The following KIF26B variants were observed in gnomAD, a reference collection of about 807,000 sequenced individuals.
KIF26B encodes the protein kinesin family member 26B, also known as kinesin-like protein KIF26B.
Under a neutral mutation model 151.2 loss-of-function variants are expected in KIF26B, and 63 were observed. The observed-to-expected ratio is 0.42, with a 90% confidence interval of 0.34 to 0.51. The LOEUF (loss-of-function observed/expected upper bound fraction) is 0.51. Ranked by LOEUF, KIF26B falls within the 20% of genes least tolerant of loss-of-function variation. The pLI is 0.07. For missense variants in KIF26B, 2,813 were observed against 2,913.6 expected (o/e 0.97, Z 0.79); for synonymous variants, 1,357 against 1,262.1 (o/e 1.08, Z -1.59).
chr1:245,556,556 C>T lies in KIF26B; in HGVS notation c.1350+15606C>T, dbSNP rs377639827. On this transcript the variant is annotated intron_variant, in intron 5 of 14. Coordinates refer to ENST00000407071, the MANE Select transcript of KIF26B (RefSeq NM_018012.4). ...CTGGGACTACCAGCATGCACCACCA[C>T]GCCTGGGTAATTTTTGTATTTTTTT... Among the ~76,000 whole-genome samples the T allele has an allele frequency of 5.9e-5, 9 of 152,144 alleles. No homozygotes were observed. In the East Asian group the frequency reaches 9.6e-4, roughly 16 times the overall value.
At chr1:245,305,148 ATTG>A (rs1431818323) in intron 2 of KIF26B, among the ~76,000 whole-genome samples, 1 of 152,226 alleles carries the variant, frequency 6.6e-6, no homozygotes, top group Non-Finnish European at 1.5e-5. Context: ...ATATAACAAA[ATTG>A]TTGTCATGTG....
intron 12 of KIF26B, among the ~76,000 whole-genome samples, chr1:245,690,637 G>A (rs559660004): frequency 2.0e-5 from 3 of 152,258 alleles, no homozygotes; most frequent in Non-Finnish European, 4.4e-5. Context: ...AGCCCCATCC[G>A]CTCCCCTCAT....
chr1:245,527,372 T>C (rs1280639151), intron 4 of KIF26B, among the ~76,000 whole-genome samples: 2 of 152,124 alleles, frequency 1.3e-5, no homozygotes, highest in African/African-American at 4.8e-5. Context: ...TTTCTCTGTC[T>C]ATATTTATAG....
At chr1:245,333,448 C>T (rs527724699) in intron 2 of KIF26B, among the ~76,000 whole-genome samples, 11 of 152,080 alleles carry the variant, frequency 7.2e-5, no homozygotes, top group Admixed American at 3.9e-4. Context: ...CAGGGGCTGG[C>T]GGGAGAATGG....
intron 14 of KIF26B, among the ~76,000 whole-genome samples, chr1:245,700,897 CCACTTCAAGATCCCAGGG>C (rs2044761909): frequency 6.6e-6 from 1 of 152,234 alleles, no homozygotes; most frequent in Admixed American, 6.5e-5. Context: ...GAATCCCTGG[CCACTTCAAGATCCCAGGG>C]GCCTCCTTTC....
chr1:245,575,630 C>T (rs758020590), intron 5 of KIF26B, among the ~76,000 whole-genome samples: 31 of 152,172 alleles, frequency 2.0e-4, no homozygotes, highest in Non-Finnish European at 4.1e-4. Context: ...CTTCTGCATT[C>T]TCCAACTTTC....
intron 4 of KIF26B, among the ~76,000 whole-genome samples, chr1:245,446,914 A>G (rs1303448013): frequency 6.6e-6 from 1 of 152,206 alleles, no homozygotes; most frequent in Non-Finnish European, 1.5e-5. Context: ...AGGAGGTTCC[A>G]TGATTTGGGA....
chr1:245,503,616 G>A (rs1363111418), intron 4 of KIF26B, among the ~76,000 whole-genome samples: 1 of 152,212 alleles, frequency 6.6e-6, no homozygotes, highest in Non-Finnish European at 1.5e-5. Flanking sequence ...TCTTAAGTCT[G>A]TGAGACTAAA....
chr1:245,628,382 G>A (rs2043746862), intron 9 of KIF26B, among the ~76,000 whole-genome samples: 1 of 152,228 alleles, frequency 6.6e-6, no homozygotes, highest in Admixed American at 6.5e-5. Flanking sequence ...TCGGGAGGCT[G>A]AGGCAGGAGA....
intron 2 of KIF26B, among the ~76,000 whole-genome samples, chr1:245,354,995 G>C (rs192963746): frequency 1.3e-5 from 2 of 152,022 alleles, no homozygotes; most frequent in Admixed American, 1.3e-4. Context: ...ATCTCGGCTC[G>C]CTGCAACCTA....
chr1:245,578,218 G>T (rs2043144165), intron 5 of KIF26B, among the ~76,000 whole-genome samples: 1 of 152,238 alleles, frequency 6.6e-6, no homozygotes, highest in South Asian at 2.1e-4. Flanking sequence ...GAACAGAAGA[G>T]GCGGAGGAAT....
intron 2 of KIF26B, among the ~76,000 whole-genome samples, chr1:245,193,014 G>A (rs145480213): frequency 8.1e-4 from 124 of 152,288 alleles, no homozygotes; most frequent in African/African-American, 2.6e-3. Context: ...GTACCCAATA[G>A]GTAGTTTTTG....
At chr1:245,485,541 T>C (rs552361413) in intron 4 of KIF26B, among the ~76,000 whole-genome samples, 125 of 151,938 alleles carry the variant, frequency 8.2e-4, no homozygotes, top group Admixed American at 2.9e-3. Flanking sequence ...CTGCCACCAC[T>C]CCTGGCTAAC....
At chr1:245,191,626 C>T (rs1669113199) in intron 2 of KIF26B, among the ~76,000 whole-genome samples, 1 of 152,086 alleles carries the variant, frequency 6.6e-6, no homozygotes, top group Non-Finnish European at 1.5e-5. Context: ...CTCTGTATAT[C>T]AGAAAACATT....
At chr1:245,660,991 T>TTC (rs1321285764) in intron 10 of KIF26B, among the ~76,000 whole-genome samples, 4 of 136,030 alleles carry the variant, frequency 2.9e-5, no homozygotes, top group African/African-American at 9.9e-5. Context: ...TCTTTTTTCT[T>TTC]TTTTTTTTTT....
Position 245,302,078 on chromosome 1 carries a change from A to G in KIF26B, c.466-64756A>G, listed in dbSNP as rs147735560. ...TCTACCACTTGATTGTCAGGAATGA[A>G]GAATTTGGTTTTCTCTGTTGTCATA... is the stretch of plus-strand genomic sequence containing the variant. On this transcript the variant is annotated intron_variant, in intron 2 of 14. Coordinates refer to ENST00000407071, the MANE Select transcript of KIF26B (RefSeq NM_018012.4). 3.6e-3 allele frequency among the ~76,000 whole-genome samples: 552 copies of G among 152,334 alleles called. 4 individuals carry two copies. Among genetic ancestry groups the G allele is most frequent in the African/African-American group, 0.012 (504 of 41,576 alleles).
At chr1:245,701,327 C>CTAT (rs1553307850) in intron 14 of KIF26B, among the ~76,000 whole-genome samples, 2 of 152,286 alleles carry the variant, frequency 1.3e-5, no homozygotes, top group Admixed American at 6.5e-5. Flanking sequence ...ATTTTTAGTT[C>CTAT]TATTATTTCT....
Position 245,419,563 on chromosome 1 carries a change from C to G in KIF26B, c.1000-16C>G. On this transcript the variant is annotated splice_polypyrimidine_tract_variant and intron_variant, in intron 3 of 14. Coordinates refer to ENST00000407071, the MANE Select transcript of KIF26B (RefSeq NM_018012.4). ...GAGCCACAGGTAATGAGCTCCGTAT[C>G]CATTTTCTTTGTCAGATCTCCCAGC... 1 of 1,602,396 alleles carries G rather than the reference C, an allele frequency of 6.2e-7. No individual in the cohort carries two copies. The highest frequency in any genetic ancestry group is 1.1e-5 in the South Asian group (1 of 89,500).
chr1:245,376,422 T>TA (rs113389945), intron 3 of KIF26B, among the ~76,000 whole-genome samples: 17,993 of 148,212 alleles, frequency 0.12, 1,339 homozygotes, highest in East Asian at 0.37. Flanking sequence ...CTTGGGAGAT[T>TA]AAAAAAAAAA....
Sources: allele counts gnomAD v4.1 joint callset (sites outside exome capture counted in the v4.1 genomes callset), GRCh38; gene constraint gnomAD v4.1.1; transcripts MANE v1.5; gene names NCBI Gene and HGNC (gene_info 2026-07-23, HGNC 2026-07-21).